The following KALRN variants were observed in gnomAD, a reference collection of about 807,000 sequenced individuals.
KALRN encodes kalirin RhoGEF kinase.
A neutral mutation model predicts 353.7 loss-of-function variants in KALRN; 70 were observed. The observed-to-expected ratio is 0.20, with a 90% confidence interval of 0.16 to 0.24. The LOEUF (loss-of-function observed/expected upper bound fraction) is 0.24, where lower values mean the gene tolerates loss of function less well. KALRN is among the 10% of genes least tolerant of loss of function. The pLI is 1.00. For missense variants in KALRN, 2,791 were observed against 3,756.7 expected (o/e 0.74, Z 6.72); for synonymous variants, 1,391 against 1,434.8 (o/e 0.97, Z 0.69).
intron 28 of KALRN, among the ~76,000 whole-genome samples, chr3:124,486,255 G>A (rs772238500): frequency 1.4e-4 from 21 of 152,130 alleles, no homozygotes; most frequent in Non-Finnish European, 2.8e-4. Context: ...TTTGGGCAGG[G>A]GGGGATTAAA....
At chr3:124,196,297 G>A (rs2150354130) in intron 1 of KALRN, among the ~76,000 whole-genome samples, 1 of 152,246 alleles carries the variant, frequency 6.6e-6, no homozygotes, top group Non-Finnish European at 1.5e-5. Context: ...GAAAAAAAGT[G>A]AGGTGCTCTT....
At chr3:124,309,158 A>C (rs962336077) in intron 6 of KALRN, among the ~76,000 whole-genome samples, 1 of 152,168 alleles carries the variant, frequency 6.6e-6, no homozygotes, top group Non-Finnish European at 1.5e-5. Context: ...AATCAAAGAA[A>C]TATTCTCAAA....
intron 1 of KALRN, among the ~76,000 whole-genome samples, chr3:124,116,625 C>A (rs1039398694): frequency 2.0e-5 from 3 of 152,158 alleles, no homozygotes; most frequent in Non-Finnish European, 2.9e-5. Flanking sequence ...GTTCCAAGAT[C>A]CCCAGTGGAT....
At chr3:124,351,475 T>G (rs1215802124) in intron 10 of KALRN, among the ~76,000 whole-genome samples, 1 of 152,174 alleles carries the variant, frequency 6.6e-6, no homozygotes, top group Non-Finnish European at 1.5e-5. Flanking sequence ...GTATTTAGGT[T>G]CAAAAAATTG....
intron 51 of KALRN, among the ~76,000 whole-genome samples, chr3:124,691,288 C>G (rs2061800796): frequency 6.6e-6 from 1 of 152,136 alleles, no homozygotes; most frequent in Non-Finnish European, 1.5e-5. Context: ...ATTAGCTGGG[C>G]ATGGTGGCGC....
chr3:124,485,560 G>T (rs1399329162), intron 28 of KALRN, among the ~76,000 whole-genome samples: 1 of 152,174 alleles, frequency 6.6e-6, no homozygotes, highest in Non-Finnish European at 1.5e-5. Context: ...TTGATTGTGA[G>T]GAAGTCATCA....
chr3:124,130,263 G>A (rs2065128809), intron 1 of KALRN, among the ~76,000 whole-genome samples: 2 of 152,160 alleles, frequency 1.3e-5, no homozygotes, highest in Admixed American at 1.3e-4. Context: ...AGGAGAGAGT[G>A]AAATCCTTAG....
At chr3:124,206,857 C>A (rs1406646047) in intron 1 of KALRN, among the ~76,000 whole-genome samples, 3 of 152,120 alleles carry the variant, frequency 2.0e-5, no homozygotes, top group African/African-American at 7.2e-5. Flanking sequence ...CATTTAGTCA[C>A]TTATTATTGT....
intron 33 of KALRN, chr3:124,518,277 T>C: frequency 1.2e-6 from 1 of 839,734 alleles, no homozygotes; most frequent in Non-Finnish European, 2.1e-6. Flanking sequence ...CTGCACTGGG[T>C]TACTAGAAAT....
At chr3:124,289,817 G>T (rs183991742) in intron 5 of KALRN, among the ~76,000 whole-genome samples, 1 of 152,268 alleles carries the variant, frequency 6.6e-6, no homozygotes, top group Admixed American at 6.5e-5. Context: ...TTATTATGAG[G>T]ATTATGTGAC....
chr3:124,555,414 A>AAAAT (rs199686367), intron 33 of KALRN, among the ~76,000 whole-genome samples: 5,362 of 137,150 alleles, frequency 0.039, 139 homozygotes, highest in Non-Finnish European at 0.05. Context: ...ACTCTGTCCC[A>AAAAT]AAATAAATAA....
intron 1 of KALRN, chr3:124,164,803 G>A (rs2070555315): frequency 6.6e-6 from 1 of 152,276 alleles, no homozygotes; most frequent in East Asian, 1.9e-4. Flanking sequence ...AAATGTCCAA[G>A]TCTAGACATT....
At chr3:124,166,514 A>T (rs1242892399) in intron 1 of KALRN, among the ~76,000 whole-genome samples, 3 of 152,252 alleles carry the variant, frequency 2.0e-5, no homozygotes, top group Non-Finnish European at 4.4e-5. Flanking sequence ...CAGAGAAAGT[A>T]AATATGTTTT....
intron 39 of KALRN, among the ~76,000 whole-genome samples, chr3:124,657,076 C>T (rs2150171935): frequency 6.6e-6 from 1 of 152,300 alleles, no homozygotes; most frequent in South Asian, 2.1e-4. Context: ...TCTCTATGAT[C>T]ACATTTTATA....
chr3:124,516,439 C>T (rs1195664844), intron 33 of KALRN, among the ~76,000 whole-genome samples: 1 of 152,130 alleles, frequency 6.6e-6, no homozygotes, highest in Non-Finnish European at 1.5e-5. Flanking sequence ...GCATGTGAAA[C>T]ACTCAGCACC....
intron 1 of KALRN, among the ~76,000 whole-genome samples, chr3:124,207,735 G>A (rs1391230482): frequency 2.0e-5 from 3 of 152,104 alleles, no homozygotes. Flanking sequence ...TACCCCTTAG[G>A]GTAATTGAGA....
At chr3:124,077,715 C>T (rs548889539) in intron 1 of KALRN, among the ~76,000 whole-genome samples, 21 of 152,298 alleles carry the variant, frequency 1.4e-4, no homozygotes, top group Middle Eastern at 3.4e-3. Context: ...TCCCCATTAC[C>T]GTCTGATACG....
chr3:124,196,723 C>G (rs2150357718), intron 1 of KALRN, among the ~76,000 whole-genome samples: 1 of 152,260 alleles, frequency 6.6e-6, no homozygotes, highest in East Asian at 1.9e-4. Flanking sequence ...GAACATCTTT[C>G]AATGTTGTTA....
At chr3:124,714,825 C>T (rs2063058528) in intron 58 of KALRN, among the ~76,000 whole-genome samples, 1 of 152,054 alleles carries the variant, frequency 6.6e-6, no homozygotes, top group South Asian at 2.1e-4. Flanking sequence ...AGGCCAGCCT[C>T]GCCAACATGG....
Sources: gnomAD v4.1 joint callset for allele counts (sites outside exome capture counted in the v4.1 genomes callset) on GRCh38, gnomAD v4.1.1 for gene constraint, MANE v1.5 for transcripts, NCBI Gene and HGNC (gene_info 2026-07-23, HGNC 2026-07-21) for gene names.